The following ADAM28 variants were observed in gnomAD, a reference collection of about 807,000 sequenced individuals.
The protein encoded by ADAM28 is ADAM metallopeptidase domain 28.
ADAM28 carries 105 observed loss-of-function variants against 101.2 expected under a neutral mutation model. The ratio of observed to expected loss-of-function variants is 1.04; its 90% confidence interval spans 0.89 to 1.22. The LOEUF is 1.22. Ranked by LOEUF, ADAM28 falls within the 50% of genes most tolerant of loss-of-function variation. The pLI, the probability that ADAM28 is intolerant of heterozygous loss-of-function variation, is 0.00. For synonymous variants in ADAM28, 322 were observed against 310.6 expected, an observed-to-expected ratio of 1.04 and a Z score of -0.39; for missense variants, 1,028 against 945.4, an observed-to-expected ratio of 1.09 and a Z score of -1.15.
chr8:24,321,424 G>A (rs2129288167), intron 8 of ADAM28, 135 bp downstream of exon 8: 2 of 756,428 alleles, frequency 2.6e-6, no homozygotes, highest in East Asian at 5.1e-5. Flanking sequence ...GCTCCCAAAG[G>A]ATGACCACAA....
At chr8:24,308,223 C>T (rs765083418) in intron 2 of ADAM28, among the ~76,000 whole-genome samples, 2 of 152,180 alleles carry the variant, frequency 1.3e-5, no homozygotes, top group Non-Finnish European at 2.9e-5. Flanking sequence ...ACTTCAGAAC[C>T]TACAGAGTAC....
rs187812031 is a variant in ADAM28 at position 24,311,588 on chromosome 8, G to T, written c.383+151G>T. 6.4e-5 allele frequency: 32 copies of T among 503,196 alleles called. No homozygotes were observed. The East Asian group carries it at 1.1e-3, about 17-fold the overall frequency. 31.2% of individuals were successfully genotyped at this position (503,196 alleles called of 1,614,324 possible). ...ACATTTTGAAATTTGAAGAAACACC[G>T]CTTCTCTTGATAGTGGCTTGTAAAT... On this transcript the variant is annotated intron_variant, in intron 5 of 22. Coordinates refer to ENST00000265769, the MANE Select transcript of ADAM28 (RefSeq NM_014265.6).
intron 13 of ADAM28, among the ~76,000 whole-genome samples, chr8:24,333,673 A>G (rs776545388): frequency 1.3e-5 from 2 of 152,030 alleles, no homozygotes; most frequent in African/African-American, 2.4e-5. Context: ...CCCTTTAACA[A>G]TGTGTGTGGT....
intron 14 of ADAM28, among the ~76,000 whole-genome samples, chr8:24,338,972 T>G (rs1227129797): frequency 2.6e-5 from 4 of 152,086 alleles, no homozygotes; most frequent in Non-Finnish European, 5.9e-5. Flanking sequence ...ATAATGTGTA[T>G]ATATATACTT....
intron 18 of ADAM28, among the ~76,000 whole-genome samples, chr8:24,345,123 G>T (rs1815257633): frequency 6.6e-6 from 1 of 150,636 alleles, no homozygotes; most frequent in South Asian, 2.1e-4. Context: ...AATGCTTTTA[G>T]AATTAATTAC....
At chr8:24,337,458 G>C (rs181113499) in intron 14 of ADAM28, among the ~76,000 whole-genome samples, 2 of 152,084 alleles carry the variant, frequency 1.3e-5, no homozygotes, top group African/African-American at 4.8e-5. Context: ...TAGTCTCCTC[G>C]GCAAATCTGT....
In ADAM28 at chr8:24,357,424, T is replaced by G. The variant is rs564948028; in HGVS notation, c.*3020T>G. 1 of 152,292 alleles carries G rather than the reference T, an allele frequency of 6.6e-6. No individual in the cohort carries two copies. The highest frequency in any genetic ancestry group is 2.4e-5 in the African/African-American group (1 of 41,560). The allele number at this position is 152,292 out of a possible 1,614,324, so 9.4% of individuals were successfully genotyped here. A position where few individuals can be genotyped will look rare whatever the true frequency, so the allele number is the denominator to read the frequency against. On this transcript the variant is annotated 3_prime_UTR_variant, in exon 23 of 23. Coordinates refer to ENST00000265769, the MANE Select transcript of ADAM28 (RefSeq NM_014265.6). ...GGATTAATTGACTCAGATTTCCACA[T>G]GGCCTAGGAGGCCTCAGGAAACTTA...
chr8:24,303,699 G>T (rs148168013), intron 2 of ADAM28, among the ~76,000 whole-genome samples: 159 of 152,246 alleles, frequency 1.0e-3, no homozygotes, highest in African/African-American at 3.7e-3. Flanking sequence ...GTAGTTTAAT[G>T]GGAATAGCAC....
In ADAM28 at chr8:24,294,100, C is replaced by G; in HGVS notation, c.-50C>G. The G allele has an allele frequency of 6.2e-7, 1 of 1,608,806 alleles. No individual in the cohort carries two copies. The highest frequency in any genetic ancestry group is 8.5e-7 in the Non-Finnish European group (1 of 1,175,232). On this transcript the variant is annotated 5_prime_UTR_variant, in exon 1 of 23. Coordinates refer to ENST00000265769, the MANE Select transcript of ADAM28 (RefSeq NM_014265.6). Reference sequence around the variant, plus strand: ...GAGGAGGCAGGGACAGACCCAGCAGCACCCACCTGAGCGAGAAGAGCAGAC... The same window carrying G: ...GAGGAGGCAGGGACAGACCCAGCAGGACCCACCTGAGCGAGAAGAGCAGAC...
chr8:24,308,648 C>T, intron 2 of ADAM28: 1 of 456,204 alleles, frequency 2.2e-6, no homozygotes, highest in South Asian at 1.5e-5. Flanking sequence ...CAGTTCCTGT[C>T]ATCCATGAAA....
chr8:24,342,915 C>A, intron 16 of ADAM28, 186 bp from the exon 17 acceptor site: 1 of 1,047,092 alleles, frequency 9.6e-7, no homozygotes, highest in South Asian at 2.2e-5. Context: ...CTTTATCAAC[C>A]TTTTTGGGTT....
intron 16 of ADAM28, among the ~76,000 whole-genome samples, chr8:24,342,285 C>T (rs1469969423): frequency 6.6e-6 from 1 of 152,168 alleles, no homozygotes; most frequent in African/African-American, 2.4e-5. Context: ...AAGATATCCA[C>T]ATGACCAAAG....
chr8:24,301,793 C>T (rs901828629), intron 2 of ADAM28, among the ~76,000 whole-genome samples: 2 of 152,148 alleles, frequency 1.3e-5, no homozygotes, highest in African/African-American at 4.8e-5. Context: ...GGCTTTCTGG[C>T]CATTAAGGTA....
At position 24,356,712 on chromosome 8, in the gene ADAM28, A is replaced by C. The variant is rs1816710699; in HGVS notation, c.*2308A>C. The C allele has an allele frequency of 6.6e-6, 1 of 152,146 alleles. No homozygotes were observed. Among genetic ancestry groups the C allele is most frequent in the Non-Finnish European group, 1.5e-5 (1 of 68,022 alleles). 9.4% of individuals were successfully genotyped at this position (152,146 alleles called of 1,614,324 possible). ...CTTATTTGACATTTAACTACCTCAGATATGCCACCAAACCTGTTTTCATCA... is the reference window on the plus strand; with the variant it reads ...CTTATTTGACATTTAACTACCTCAGCTATGCCACCAAACCTGTTTTCATCA... On this transcript the variant is annotated 3_prime_UTR_variant, in exon 23 of 23. Coordinates refer to ENST00000265769, the MANE Select transcript of ADAM28 (RefSeq NM_014265.6).
chr8:24,332,486 C>G (rs1322574861), intron 12 of ADAM28, among the ~76,000 whole-genome samples, 174 bp from the exon 13 acceptor site: 1 of 152,026 alleles, frequency 6.6e-6, no homozygotes, highest in African/African-American at 2.4e-5. Context: ...AAACAACAAA[C>G]CATCAGTTGC....
chr8:24,332,476 AAAC>A (rs1241400098), intron 12 of ADAM28, among the ~76,000 whole-genome samples, 181 bp from the exon 13 acceptor site: 2 of 152,314 alleles, frequency 1.3e-5, no homozygotes, highest in East Asian at 1.9e-4. Context: ...GAATTCAGAT[AAAC>A]AACAAACCAT....
intron 10 of ADAM28, among the ~76,000 whole-genome samples, chr8:24,326,869 C>T (rs1812688401): frequency 6.6e-6 from 1 of 151,950 alleles, no homozygotes; most frequent in African/African-American, 2.4e-5. Flanking sequence ...TACAAACTCT[C>T]AATAAACTAG....
intron 20 of ADAM28, 23 bp from the exon 21 acceptor site, chr8:24,351,964 G>T (rs1241305798): frequency 6.2e-7 from 1 of 1,612,300 alleles, no homozygotes; most frequent in East Asian, 2.2e-5. Context: ...GGTTCATTTT[G>T]AAATATTCGT....
At chr8:24,303,657 A>AT (rs1265473160) in intron 2 of ADAM28, among the ~76,000 whole-genome samples, 2 of 152,008 alleles carry the variant, frequency 1.3e-5, no homozygotes, top group Non-Finnish European at 2.9e-5. Context: ...TTTTAAAGTA[A>AT]TTTTTTTCTA....
Sources: gnomAD v4.1 joint callset for allele counts (sites outside exome capture counted in the v4.1 genomes callset) on GRCh38, gnomAD v4.1.1 for gene constraint, MANE v1.5 for transcripts, NCBI Gene and HGNC (gene_info 2026-07-23, HGNC 2026-07-21) for gene names.